Variants in CTNND1 observed in about 807,000 individuals in gnomAD.
CTNND1 encodes the protein catenin delta-1.
In CTNND1, 16 loss-of-function variants were observed where a neutral mutation model predicts 112.1. The observed-to-expected ratio is 0.14, with a 90% CI of 0.10 to 0.22. The LOEUF (loss-of-function observed/expected upper bound fraction) is 0.22, where lower values mean the gene tolerates loss of function less well. Among genes scored for constraint, CTNND1 ranks in the 10% least tolerant of loss-of-function variants. The pLI is 1.00. For missense variants in CTNND1, 1,008 were observed against 1,257.0 expected (o/e 0.80, Z 3.00); for synonymous variants, 420 against 446.5 (o/e 0.94, Z 0.75).
intron 1 of CTNND1, among the ~76,000 whole-genome samples, chr11:57,783,242 C>T (rs557254624): frequency 4.6e-5 from 7 of 151,710 alleles, no homozygotes; most frequent in South Asian, 4.2e-4. Context: ...GCCGAGATGA[C>T]GGCATTGCAT....
intron 1 of CTNND1, among the ~76,000 whole-genome samples, chr11:57,772,392 G>T (rs929238140): frequency 2.6e-5 from 4 of 152,130 alleles, no homozygotes; most frequent in African/African-American, 9.7e-5. Context: ...AAATAGGCTT[G>T]CCCCACTTGT....
chr11:57,794,589 C>A (rs571186906), intron 4 of CTNND1, among the ~76,000 whole-genome samples: 3 of 150,464 alleles, frequency 2.0e-5, no homozygotes, highest in Non-Finnish European at 4.4e-5. Flanking sequence ...AGTTGGAGAC[C>A]AGCCTGACCA....
Position 57,809,380 on chromosome 11 carries a change from C to T in CTNND1, c.2349C>T (p.Asn783=), listed in dbSNP as rs549671436. The change falls in exon 15 of 21, where the codon AAC becomes AAT. Residue 783 remains asparagine, a synonymous_variant. Coordinates refer to ENST00000399050, the MANE Select transcript of CTNND1 (RefSeq NM_001085458.2). The part of the protein sequence containing the change: ...DTVISILNTI[N]EVIAENLEAA... ...TCATCTCTATTTTGAACACTATCAA[C>T]GAGGTTATCGCTGAGAACTTGGAGG... 2.4e-4 allele frequency: 381 copies of T among 1,613,966 alleles called. 1 individual carries two copies. The South Asian group carries it at 3.6e-3, about 15-fold the overall frequency.
chr11:57,794,208 A>G (rs1008677246), intron 4 of CTNND1, 127 bp downstream of exon 4: 1 of 783,824 alleles, frequency 1.3e-6, no homozygotes, highest in African/African-American at 1.8e-5. Flanking sequence ...AGTTTCTTTT[A>G]TTTACGAAAA....
At chr11:57,789,219 A>G (rs2060438225) in intron 2 of CTNND1, 64 bp downstream of exon 2, 10 of 1,160,944 alleles carry the variant, frequency 8.6e-6, no homozygotes, top group Non-Finnish European at 9.4e-6. Flanking sequence ...ATGTATTTTT[A>G]TTCCTTTCAT....
intron 1 of CTNND1, among the ~76,000 whole-genome samples, chr11:57,772,164 T>C (rs1472570840): frequency 1.3e-5 from 2 of 149,828 alleles, no homozygotes; most frequent in Non-Finnish European, 1.5e-5. Flanking sequence ...ACTTCTGAGC[T>C]CAAGTGATCT....
chr11:57,802,779 G>A (rs1460831199), intron 7 of CTNND1, among the ~76,000 whole-genome samples: 1 of 152,198 alleles, frequency 6.6e-6, no homozygotes, highest in Non-Finnish European at 1.5e-5. Context: ...ACAAAATTTT[G>A]TGGAGCATAA....
chr11:57,803,676 T>C lies in CTNND1; in HGVS notation c.1476T>C (p.His492=). ...HDSIKMEIVD[H]ALHALTDEVI... is the part of the protein sequence containing the mutation. ...CAATCAAAATGGAGATTGTGGACCATGCACTGCATGCCTTGACAGATGAAG... is the reference window on the plus strand; with the variant it reads ...CAATCAAAATGGAGATTGTGGACCACGCACTGCATGCCTTGACAGATGAAG... The change falls in exon 8 of 21, where the codon CAT becomes CAC. Residue 492 remains histidine, a synonymous_variant. Transcript: ENST00000399050. 1 of 1,613,734 alleles carries C rather than the reference T, an allele frequency of 6.2e-7. No homozygotes were observed. Among genetic ancestry groups the C allele is most frequent in the Non-Finnish European group, 8.5e-7 (1 of 1,179,784 alleles).
intron 1 of CTNND1, among the ~76,000 whole-genome samples, chr11:57,786,091 TGA>T (rs1485454675): frequency 6.6e-6 from 1 of 152,086 alleles, no homozygotes; most frequent in African/African-American, 2.4e-5. Flanking sequence ...AATGGCTTAT[TGA>T]GAGTAAAACT....
At chr11:57,767,861 T>C (rs1951499407) in intron 1 of CTNND1, among the ~76,000 whole-genome samples, 1 of 146,116 alleles carries the variant, frequency 6.8e-6, no homozygotes, top group African/African-American at 2.5e-5. Flanking sequence ...TGAGACGGAG[T>C]CTTGCTCTGT....
intron 1 of CTNND1, among the ~76,000 whole-genome samples, chr11:57,768,456 C>G (rs12289997): frequency 7.6e-6 from 1 of 130,910 alleles, no homozygotes. Context: ...TGCAGTGGCG[C>G]GATCTCGGCT....
At chr11:57,808,044 A>G in intron 12 of CTNND1, 121 bp from the exon 13 acceptor site, 1 of 1,060,166 alleles carries the variant, frequency 9.4e-7, no homozygotes, top group Non-Finnish European at 1.3e-6. Context: ...AGTTTAGGGA[A>G]CCTGATGGTA....
chr11:57,789,146 C>T lies in CTNND1; in HGVS notation c.-104C>T, dbSNP rs1350367445. 3.9e-6 allele frequency: 6 copies of T among 1,523,640 alleles called. No individual in the cohort carries two copies. The highest frequency in any genetic ancestry group is 5.3e-6 in the Non-Finnish European group (6 of 1,139,084). 94.4% of individuals were successfully genotyped at this position (1,523,640 alleles called of 1,614,324 possible). On this transcript the variant is annotated 5_prime_UTR_variant, in exon 2 of 21. Coordinates refer to ENST00000399050, the MANE Select transcript of CTNND1 (RefSeq NM_001085458.2). ...TGTTAAACCAATCAGTTGCGACCTTCTCTTAACAGGTGTGTATGGAAATAT... is the reference window on the plus strand; with the variant it reads ...TGTTAAACCAATCAGTTGCGACCTTTTCTTAACAGGTGTGTATGGAAATAT...
At chr11:57,802,366 T>A (rs2062091039) in intron 7 of CTNND1, among the ~76,000 whole-genome samples, 170 bp downstream of exon 7, 1 of 152,252 alleles carries the variant, frequency 6.6e-6, no homozygotes, top group African/African-American at 2.4e-5. Context: ...ATTGAAATTT[T>A]AAAGAACTGG....
intron 18 of CTNND1, 54 bp downstream of exon 18, chr11:57,814,427 A>G: frequency 7.4e-7 from 1 of 1,359,632 alleles, no homozygotes; most frequent in Non-Finnish European, 1.0e-6. Flanking sequence ...CTGGCTAAGG[A>G]GAGCTGTCTA....
chr11:57,782,499 C>T lies in CTNND1; in HGVS notation c.-213-6538C>T, dbSNP rs190221964. 2.6e-4 allele frequency among the ~76,000 whole-genome samples: 40 copies of T among 152,156 alleles called. 1 individual carries two copies. Among genetic ancestry groups the T allele is most frequent in the Admixed American group, 2.4e-3 (37 of 15,286 alleles). The stretch of plus-strand genomic sequence containing the variant: ...GCAGACGTGGTAGAAGATTTATGGA[C>T]AGAAAAAGGAAAGTGATGAACAAAA... On this transcript the variant is annotated intron_variant, in intron 1 of 20. Coordinates refer to ENST00000399050, the MANE Select transcript of CTNND1 (RefSeq NM_001085458.2).
At chr11:57,812,134 AG>A (rs2063435310) in intron 17 of CTNND1, among the ~76,000 whole-genome samples, 2 of 152,224 alleles carry the variant, frequency 1.3e-5, no homozygotes, top group South Asian at 4.1e-4. Flanking sequence ...AGCACAAACC[AG>A]GGCAGTGACA....
intron 1 of CTNND1, among the ~76,000 whole-genome samples, chr11:57,769,044 C>T (rs1951860518): frequency 6.6e-6 from 1 of 151,502 alleles, no homozygotes; most frequent in South Asian, 2.1e-4. Context: ...CGGTGGCTCA[C>T]ACCTGTAATC....
chr11:57,796,969 C>T lies in CTNND1; in HGVS notation c.933C>T (p.Pro311=), dbSNP rs2136931196. The T allele has an allele frequency of 6.7e-7, 1 of 1,496,658 alleles. No homozygotes were observed. The allele number at this position is 1,496,658 out of a possible 1,614,324, so 92.7% of individuals were successfully genotyped here. A position where few individuals can be genotyped will look rare whatever the true frequency, so the allele number is the denominator to read the frequency against. Residue 311 remains proline (P), a synonymous_variant, in exon 6 of 21, where the codon CCC becomes CCT. Transcript: ENST00000399050. ...DYGTARRTGT[P]SDPRRRLRSY... is the part of the protein sequence containing the mutation. ...GCACTGCCCGTCGGACTGGGACACC[C>T]TCTGACCCTCGTCGGCGCCTCAGGT...
Sources: allele counts gnomAD v4.1 joint callset (sites outside exome capture counted in the v4.1 genomes callset), GRCh38; gene constraint gnomAD v4.1.1; transcripts MANE v1.5; gene names NCBI Gene and HGNC (gene_info 2026-07-23, HGNC 2026-07-21).